AMOTL1: variants seen among roughly 807,000 people sequenced by gnomAD.
AMOTL1 encodes the protein angiomotin-like protein 1.
A neutral mutation model predicts 102.9 loss-of-function variants in AMOTL1; 45 were observed. The ratio of observed to expected loss-of-function variants is 0.44; its 90% CI spans 0.34 to 0.56. The LOEUF (loss-of-function observed/expected upper bound fraction) is 0.56, where lower values mean the gene tolerates loss of function less well. Among genes scored for constraint, AMOTL1 ranks in the 20% least tolerant of loss-of-function variants. The probability of loss-of-function intolerance (pLI) is 0.01; values close to 1 mark genes in which losing one functional copy is unlikely to be tolerated. For synonymous variants in AMOTL1, 481 were observed against 484.7 expected (o/e 0.99, Z 0.10); for missense variants, 1,114 against 1,225.6 (o/e 0.91, Z 1.36).
intron 6 of AMOTL1, among the ~76,000 whole-genome samples, chr11:94,840,114 G>C (rs1342511643): frequency 6.6e-6 from 1 of 152,138 alleles, no homozygotes; most frequent in African/African-American, 2.4e-5. Flanking sequence ...AAGAAAGAAA[G>C]AGAAAGCTTT....
intron 1 of AMOTL1, among the ~76,000 whole-genome samples, chr11:94,712,093 C>T (rs1950030041): frequency 6.6e-6 from 1 of 152,022 alleles, no homozygotes; most frequent in Non-Finnish European, 1.5e-5. Context: ...TTTCTGCATC[C>T]TTACCAGAAT....
intron 3 of AMOTL1, among the ~76,000 whole-genome samples, chr11:94,804,321 C>G (rs561470307): frequency 1.8e-4 from 27 of 152,278 alleles, no homozygotes; most frequent in Admixed American, 1.2e-3. Flanking sequence ...TCTTGAGATG[C>G]CTGTCGCTCA....
At chr11:94,827,694 T>C (rs1368708445) in intron 4 of AMOTL1, among the ~76,000 whole-genome samples, 1 of 152,144 alleles carries the variant, frequency 6.6e-6, no homozygotes, top group Non-Finnish European at 1.5e-5. Flanking sequence ...CATAAGGTGG[T>C]ACCGAAGGGA....
intron 2 of AMOTL1, among the ~76,000 whole-genome samples, chr11:94,731,700 T>C (rs1229327121): frequency 1.3e-5 from 2 of 152,086 alleles, no homozygotes; most frequent in East Asian, 3.9e-4. Context: ...AATGAAAAAA[T>C]TGGCCTGAAG....
chr11:94,845,951 C>T (rs190987664), intron 6 of AMOTL1, among the ~76,000 whole-genome samples: 63 of 152,298 alleles, frequency 4.1e-4, no homozygotes, highest in Middle Eastern at 3.4e-3. Context: ...AAATTCATCA[C>T]GAGACTTGTC....
intron 2 of AMOTL1, among the ~76,000 whole-genome samples, chr11:94,731,128 T>C (rs1313490513): frequency 6.6e-6 from 1 of 152,162 alleles, no homozygotes; most frequent in East Asian, 1.9e-4. Flanking sequence ...TGTGTCTAGG[T>C]TTGCCTAAAG....
At chr11:94,806,032 A>G (rs1356013251) in intron 3 of AMOTL1, among the ~76,000 whole-genome samples, 2 of 152,186 alleles carry the variant, frequency 1.3e-5, no homozygotes, top group African/African-American at 2.4e-5. Context: ...TGCATTATGC[A>G]TTTTCCCCCA....
intron 5 of AMOTL1, among the ~76,000 whole-genome samples, chr11:94,831,063 A>C (rs980133101): frequency 6.6e-6 from 1 of 152,180 alleles, no homozygotes; most frequent in Non-Finnish European, 1.5e-5. Context: ...GAGATACAAA[A>C]AGCTGTCACT....
intron 3 of AMOTL1, among the ~76,000 whole-genome samples, chr11:94,752,611 A>G (rs1483619029): frequency 6.6e-6 from 1 of 152,192 alleles, no homozygotes; most frequent in Non-Finnish European, 1.5e-5. Context: ...TTGTACCCCC[A>G]AATCTAGAGT....
chr11:94,784,511 A>G (rs1591961363), intron 1 of AMOTL1, among the ~76,000 whole-genome samples: 2 of 152,214 alleles, frequency 1.3e-5, no homozygotes, highest in South Asian at 4.1e-4. Context: ...CTGACTTTAA[A>G]TCTGAATTTA....
intron 4 of AMOTL1, among the ~76,000 whole-genome samples, chr11:94,829,783 A>T (rs188302779): frequency 1.4e-4 from 21 of 152,318 alleles, no homozygotes; most frequent in African/African-American, 4.8e-4. Flanking sequence ...CCCCTTTCTA[A>T]TATTGGTACA....
chr11:94,785,717 C>G lies in AMOTL1; in HGVS notation c.50-9294C>G, dbSNP rs556821739. On this transcript the variant is annotated intron_variant, in intron 1 of 12. Coordinates refer to ENST00000433060, the MANE Select transcript of AMOTL1 (RefSeq NM_130847.3). ...TGCAACAATACACACTAATAGGGTC[C>G]GGAAAGCTGGAGGAATCCGTGGCAG... is the stretch of plus-strand genomic sequence containing the variant. Among the ~76,000 whole-genome samples, 20 of 152,254 alleles carry G rather than the reference C, an allele frequency of 1.3e-4. 1 individual carries two copies. The South Asian group carries it at 3.1e-3, about 24-fold the overall frequency.
intron 1 of AMOTL1, among the ~76,000 whole-genome samples, chr11:94,788,025 G>T (rs1486315821): frequency 6.6e-6 from 1 of 152,166 alleles, no homozygotes; most frequent in African/African-American, 2.4e-5. Context: ...TAGTGCTATC[G>T]CAGGTAGTTT....
At chr11:94,870,327 A>G (rs143341788) in intron 12 of AMOTL1, among the ~76,000 whole-genome samples, 1 of 152,322 alleles carries the variant, frequency 6.6e-6, no homozygotes, top group African/African-American at 2.4e-5. Flanking sequence ...AGTAAATACA[A>G]TGTTGTCACT....
chr11:94,817,640 T>C (rs1208921935), intron 3 of AMOTL1, among the ~76,000 whole-genome samples: 1 of 152,224 alleles, frequency 6.6e-6, no homozygotes, highest in Non-Finnish European at 1.5e-5. Context: ...ATTTGCATCT[T>C]TAACCATAAC....
In AMOTL1 at chr11:94,853,015, G is replaced by A. The variant is rs536786693; in HGVS notation, c.1795-918G>A. Among the ~76,000 whole-genome samples the A allele has an allele frequency of 3.9e-5, 6 of 152,126 alleles. No homozygotes were observed. The South Asian group carries it at 1.2e-3, about 32-fold the overall frequency. ...ATTTCATTCCTGCCTTTTTTTCATG[G>A]ATAGACATTGTTATGATAATGTTGT... On this transcript the variant is annotated intron_variant, in intron 7 of 12. Transcript: ENST00000433060.
Position 94,799,513 on chromosome 11 carries a change from G to A in AMOTL1, c.323G>A (p.Arg108Gln), listed in dbSNP as rs755050006. 2.7e-5 allele frequency: 43 copies of A among 1,613,262 alleles called. No individual in the cohort carries two copies. The highest frequency in any genetic ancestry group is 3.3e-5 in the Admixed American group (2 of 59,920). The change falls in exon 3 of 13, where the codon CGG becomes CAG. Residue 108 changes from arginine to glutamine, a missense_variant. Physicochemically the swap from Arg to Gln is conservative, Grantham distance 43. Transcript: ENST00000433060. This position sits in a 1 kb window ranked among gnomAD's most constrained non-coding sequence, Gnocchi z 4.5. ...CAGCGGCTGATCCAGGAACAACTGC[G>A]GTATGGCACCCCAACCGAGAACATG... ...VLQRLIQEQL[R>Q]YGTPTENMNL...
intron 4 of AMOTL1, among the ~76,000 whole-genome samples, chr11:94,826,899 C>T (rs1214707851): frequency 5.9e-5 from 9 of 151,820 alleles, no homozygotes; most frequent in Non-Finnish European, 1.3e-4. Flanking sequence ...TTTTCTAGGT[C>T]CCTTCTAAGC....
intron 2 of AMOTL1, among the ~76,000 whole-genome samples, chr11:94,738,402 C>T (rs1382705283): frequency 2.0e-5 from 3 of 152,056 alleles, no homozygotes; most frequent in Non-Finnish European, 4.4e-5. Flanking sequence ...GGATTACAGA[C>T]ATGTGCCACC....
Sources: gnomAD v4.1 joint callset for allele counts (sites outside exome capture counted in the v4.1 genomes callset) on GRCh38, gnomAD v4.1.1 for gene constraint, Gnocchi (gnomAD v3.1) non-coding constraint, MANE v1.5 for transcripts, NCBI Gene and HGNC (gene_info 2026-07-23, HGNC 2026-07-21) for gene names.